Variants in ULK4 observed in about 807,000 individuals in gnomAD.
The protein encoded by ULK4 is inactive serine/threonine-protein kinase ULK4.
Under a neutral mutation model 160.6 loss-of-function variants are expected in ULK4, and 133 were observed. The ratio of observed to expected loss-of-function variants is 0.83; its 90% confidence interval spans 0.72 to 0.96. The LOEUF (loss-of-function observed/expected upper bound fraction) is 0.96, where lower values mean the gene tolerates loss of function less well. Among genes scored for constraint, ULK4 ranks in the 40% least tolerant of loss-of-function variants. The probability of loss-of-function intolerance (pLI) is 0.00; values close to 1 mark genes in which losing one functional copy is unlikely to be tolerated. For missense variants in ULK4, 1,580 were observed against 1,499.5 expected (o/e 1.05, Z -0.89); for synonymous variants, 534 against 539.8 (o/e 0.99, Z 0.15).
chr3:41,864,275 T>A (rs2042568107), intron 17 of ULK4, among the ~76,000 whole-genome samples: 1 of 151,864 alleles, frequency 6.6e-6, no homozygotes, highest in Non-Finnish European at 1.5e-5. Context: ...CCTCCCCCAG[T>A]GCCCAGAGAT....
intron 32 of ULK4, among the ~76,000 whole-genome samples, chr3:41,553,861 A>T (rs1343906018): frequency 2.0e-5 from 3 of 152,144 alleles, no homozygotes; most frequent in African/African-American, 7.2e-5. Flanking sequence ...ATTTTTAAAC[A>T]TACAATTAAA....
intron 18 of ULK4, among the ~76,000 whole-genome samples, chr3:41,835,073 C>A (rs572061159): frequency 1.8e-4 from 27 of 152,172 alleles, no homozygotes; most frequent in Admixed American, 3.3e-4. Context: ...ATAACAATAT[C>A]AGTTCTCCTC....
chr3:41,856,575 GTGTATATATATACACATATATA>G (rs2042360261), intron 17 of ULK4, among the ~76,000 whole-genome samples: 1 of 26,394 alleles, frequency 3.8e-5, no homozygotes, highest in South Asian at 1.3e-3. Flanking sequence ...ATATATATAT[GTGTATATATATACACATATATA>G]TATATGTGTA....
intron 22 of ULK4, among the ~76,000 whole-genome samples, chr3:41,733,387 T>C (rs2037901742): frequency 6.6e-6 from 1 of 152,108 alleles, no homozygotes; most frequent in East Asian, 1.9e-4. Flanking sequence ...TGTCAGATGA[T>C]GCAGGAGAAA....
chr3:41,341,001 G>A (rs2125750469), intron 35 of ULK4, among the ~76,000 whole-genome samples: 1 of 152,266 alleles, frequency 6.6e-6, no homozygotes, highest in South Asian at 2.1e-4. Context: ...TGAGGATGGG[G>A]GTAAGAGAAT....
rs573321087 is a variant in ULK4 at position 41,692,195 on chromosome 3, C to T, written c.2782-10391G>A. Among the ~76,000 whole-genome samples the T allele has an allele frequency of 5.3e-5, 8 of 150,038 alleles. No individual in the cohort carries two copies. The East Asian group carries it at 1.2e-3, about 22-fold the overall frequency. On this transcript the variant is annotated intron_variant, in intron 27 of 36. Transcript: ENST00000301831. ...CTCGATCTCCTGACCTCGTGATCTG[C>T]CCGCCTCGGCCTCCCAAAGTGCTGG... is the stretch of plus-strand genomic sequence containing the variant.
chr3:41,652,038 TATGG>T (rs982409106), intron 30 of ULK4, among the ~76,000 whole-genome samples: 12 of 151,948 alleles, frequency 7.9e-5, no homozygotes, highest in Non-Finnish European at 1.6e-4. Context: ...GCTATGAAAA[TATGG>T]ATTCAAAAGT....
intron 35 of ULK4, among the ~76,000 whole-genome samples, chr3:41,252,049 A>G (rs2078752450): frequency 6.6e-6 from 1 of 152,226 alleles, no homozygotes; most frequent in Non-Finnish European, 1.5e-5. Context: ...GGAGGGACAC[A>G]CCAGATAGAT....
In ULK4 at chr3:41,883,903, C is replaced by T. The variant is rs201298504; in HGVS notation, c.1627G>A (p.Glu543Lys). Residue 543 changes from glutamate (E) to lysine (K), a missense_variant, in exon 17 of 37, where the codon GAG becomes AAG. Glu to Lys is a moderately conservative substitution (Grantham distance 56, BLOSUM62 1). Transcript: ENST00000301831. ...VIGLLASHTA[E>K]LQENTPVVEA... ...ACAACAGGTGTATTTTCCTGGAGCT[C>T]AGCTGTGTGCGAAGCCAGTAAACCA... 317 of 1,610,022 alleles carry T rather than the reference C, an allele frequency of 2.0e-4. No individual in the cohort carries two copies. Among genetic ancestry groups the T allele is most frequent in the Non-Finnish European group, 1.5e-4 (182 of 1,176,314 alleles).
intron 19 of ULK4, among the ~76,000 whole-genome samples, chr3:41,806,384 T>G (rs1212424230): frequency 6.6e-6 from 1 of 152,196 alleles, no homozygotes; most frequent in Non-Finnish European, 1.5e-5. Context: ...TTTTCTTCTT[T>G]ATTAGTCTTG....
intron 30 of ULK4, among the ~76,000 whole-genome samples, chr3:41,643,023 G>C (rs35198025): frequency 0.19 from 29,420 of 151,826 alleles, 3,009 homozygotes; most frequent in African/African-American, 0.25. Flanking sequence ...CCTTCGCCCA[G>C]TTTTTGATGG....
chr3:41,902,090 T>A (rs1464847681), intron 12 of ULK4, among the ~76,000 whole-genome samples: 2 of 151,670 alleles, frequency 1.3e-5, no homozygotes, highest in African/African-American at 2.4e-5. Flanking sequence ...AGAGAATTTA[T>A]GCTTAAGAAC....
intron 35 of ULK4, among the ~76,000 whole-genome samples, chr3:41,280,392 T>C (rs184059163): frequency 2.6e-3 from 388 of 151,334 alleles, no homozygotes; most frequent in Non-Finnish European, 4.7e-3. Flanking sequence ...ATTCTAAAAT[T>C]GACCACATAA....
At chr3:41,317,046 A>G (rs1231295337) in intron 35 of ULK4, among the ~76,000 whole-genome samples, 1 of 150,946 alleles carries the variant, frequency 6.6e-6, no homozygotes, top group Non-Finnish European at 1.5e-5. Context: ...TTTGATGTAA[A>G]ATAGGCAATT....
intron 9 of ULK4, 94 bp from the exon 10 acceptor site, chr3:41,911,753 T>G: frequency 1.1e-6 from 1 of 921,000 alleles, no homozygotes; most frequent in East Asian, 2.4e-5. Flanking sequence ...ATAATTAAAT[T>G]ACACATGACA....
chr3:41,301,846 A>G (rs895977965), intron 35 of ULK4, among the ~76,000 whole-genome samples: 2 of 152,218 alleles, frequency 1.3e-5, no homozygotes, highest in Non-Finnish European at 2.9e-5. Context: ...GATGTTTACT[A>G]TCTGAAGTAA....
chr3:41,386,233 T>C (rs893223958), intron 35 of ULK4, among the ~76,000 whole-genome samples: 9 of 152,204 alleles, frequency 5.9e-5, no homozygotes, highest in East Asian at 1.9e-4. Context: ...TATTCCTTTT[T>C]TTACAACTAG....
chr3:41,489,796 T>C (rs13099329), intron 32 of ULK4, among the ~76,000 whole-genome samples: 63,592 of 151,994 alleles, frequency 0.42, 14,768 homozygotes, highest in Non-Finnish European at 0.52. Context: ...CTACCAGTCT[T>C]GGCTAGTAAA....
At chr3:41,827,514 C>T (rs373190697) in intron 18 of ULK4, among the ~76,000 whole-genome samples, 1 of 151,980 alleles carries the variant, frequency 6.6e-6, no homozygotes, top group African/African-American at 2.4e-5. Context: ...GAGAATACTA[C>T]AAACACCTCT....
Sources: gnomAD v4.1 joint callset for allele counts (sites outside exome capture counted in the v4.1 genomes callset) on GRCh38, gnomAD v4.1.1 for gene constraint, MANE v1.5 for transcripts, NCBI Gene and HGNC (gene_info 2026-07-23, HGNC 2026-07-21) for gene names.